The following UNC13C variants were observed in gnomAD, a reference collection of about 807,000 sequenced individuals.
UNC13C encodes protein unc-13 homolog C.
Under a neutral mutation model 245.4 loss-of-function variants are expected in UNC13C, and 174 were observed. The observed-to-expected ratio is 0.71, with a 90% confidence interval of 0.63 to 0.80. The LOEUF (loss-of-function observed/expected upper bound fraction) is 0.80, where lower values mean the gene tolerates loss of function less well. Ranked by LOEUF, UNC13C falls within the 30% of genes least tolerant of loss-of-function variation. The pLI is 0.00. For missense variants in UNC13C, 2,829 were observed against 2,602.9 expected (o/e 1.09, Z -1.89); for synonymous variants, 992 against 895.1 (o/e 1.11, Z -1.93).
chr15:54,198,744 G>A (rs1263525032), intron 4 of UNC13C, among the ~76,000 whole-genome samples: 1 of 152,008 alleles, frequency 6.6e-6, no homozygotes, highest in East Asian at 1.9e-4. Flanking sequence ...CTCTGACATA[G>A]TCCACCCAAA....
At chr15:54,385,221 C>T (rs2039811578) in intron 17 of UNC13C, among the ~76,000 whole-genome samples, 1 of 152,086 alleles carries the variant, frequency 6.6e-6, no homozygotes. Context: ...GTGAACGATG[C>T]CCACTTTCAC....
chr15:53,900,357 A>T, the UNC13C span, among the ~76,000 whole-genome samples: 1 of 152,218 alleles, frequency 6.6e-6, no homozygotes, highest in African/African-American at 2.4e-5. Context: ...ACACAGAGGA[A>T]TATTCTGTAC....
chr15:54,056,705 A>G (rs1897543966), intron 2 of UNC13C, among the ~76,000 whole-genome samples: 2 of 152,196 alleles, frequency 1.3e-5, no homozygotes. Context: ...AAGGGCAGCC[A>G]GAGAGAAAGG....
At chr15:54,617,623 C>T (rs910912220) in intron 30 of UNC13C, among the ~76,000 whole-genome samples, 6 of 152,010 alleles carry the variant, frequency 3.9e-5, no homozygotes, top group African/African-American at 1.2e-4. Context: ...GTTATCACTG[C>T]CATGAATTCT....
At chr15:54,033,335 G>C (rs558829658) in intron 2 of UNC13C, among the ~76,000 whole-genome samples, 1 of 152,270 alleles carries the variant, frequency 6.6e-6, no homozygotes, top group Non-Finnish European at 1.5e-5. Context: ...GAAGAGGTTA[G>C]AGAAACACTG....
At chr15:54,482,066 G>A (rs759786736) in intron 19 of UNC13C, among the ~76,000 whole-genome samples, 26 of 152,094 alleles carry the variant, frequency 1.7e-4, no homozygotes, top group Non-Finnish European at 3.1e-4. Flanking sequence ...ACTTTGTCTC[G>A]CTTTTTTCTC....
chr15:54,169,026 C>A (rs6493665), intron 4 of UNC13C, among the ~76,000 whole-genome samples: 2 of 151,912 alleles, frequency 1.3e-5, no homozygotes, highest in African/African-American at 2.4e-5. Flanking sequence ...TGTAATAGAT[C>A]CCTGCTGATA....
chr15:53,947,653 C>T, the UNC13C span: 2 of 152,184 alleles, frequency 1.3e-5, no homozygotes, highest in Admixed American at 6.5e-5. Flanking sequence ...AAAGGGTCAT[C>T]TGTGTCCGTT....
chr15:54,226,891 G>T (rs2035400321), intron 4 of UNC13C, among the ~76,000 whole-genome samples: 1 of 152,222 alleles, frequency 6.6e-6, no homozygotes, highest in East Asian at 1.9e-4. Context: ...TCAGACCCCT[G>T]GCTCAGGGAG....
chr15:54,478,200 T>C (rs1226938622), intron 19 of UNC13C, among the ~76,000 whole-genome samples: 3 of 146,146 alleles, frequency 2.1e-5, no homozygotes, highest in Non-Finnish European at 4.5e-5. Flanking sequence ...TCTTCTCTCT[T>C]TTTTTCTTTA....
Position 54,235,064 on chromosome 15 carries a change from C to A in UNC13C, c.3106C>A (p.Pro1036Thr). The A allele has an allele frequency of 6.2e-7, 1 of 1,613,830 alleles. No individual in the cohort carries two copies. Among genetic ancestry groups the A allele is most frequent in the South Asian group, 1.1e-5 (1 of 91,078 alleles). ...TGGACTTTATGGTATTGACAGCATG[C>A]CGGATCTTCGCAGAAAAAAAACTTT... Reference protein sequence around the residue: ...GGGLYGIDSMPDLRRKKTLPI... With the variant: ...GGGLYGIDSMTDLRRKKTLPI... Residue 1036 changes from proline to threonine, a missense_variant, in exon 5 of 33, where the codon CCG becomes ACG. By Grantham distance (38) the Pro-to-Thr change is conservative. Transcript: ENST00000260323.
intron 19 of UNC13C, among the ~76,000 whole-genome samples, chr15:54,450,056 TGG>T (rs1891082253): frequency 6.6e-6 from 1 of 152,216 alleles, no homozygotes; most frequent in Non-Finnish European, 1.5e-5. Flanking sequence ...CCTGTTTGCC[TGG>T]GTATCAGCAG....
intron 10 of UNC13C, among the ~76,000 whole-genome samples, chr15:54,276,716 A>G (rs1447131058): frequency 6.6e-6 from 1 of 152,076 alleles, no homozygotes; most frequent in Admixed American, 6.5e-5. Flanking sequence ...CATTACTCAA[A>G]ATTAAAAGAA....
the UNC13C span, among the ~76,000 whole-genome samples, chr15:53,898,470 C>T: frequency 6.6e-6 from 1 of 151,762 alleles, no homozygotes; most frequent in Non-Finnish European, 1.5e-5. Flanking sequence ...CTCCTAATAG[C>T]TATATTCTTC....
At chr15:54,383,910 T>C (rs536665409) in intron 17 of UNC13C, among the ~76,000 whole-genome samples, 2 of 152,158 alleles carry the variant, frequency 1.3e-5, no homozygotes, top group South Asian at 4.1e-4. Flanking sequence ...CAGTCTCATT[T>C]TCAATAGCTG....
chr15:53,885,100 G>A, the UNC13C span, among the ~76,000 whole-genome samples: 2 of 152,218 alleles, frequency 1.3e-5, no homozygotes, highest in East Asian at 3.8e-4. Flanking sequence ...TAGAAAGTCA[G>A]GGGATTTCAG....
intron 18 of UNC13C, among the ~76,000 whole-genome samples, chr15:54,408,140 C>T (rs1306544887): frequency 5.3e-5 from 7 of 132,176 alleles, no homozygotes; most frequent in South Asian, 2.3e-4. Context: ...GGCGGAGTTG[C>T]AGTAAGCCGA....
chr15:54,190,285 A>T (rs1301769009), intron 4 of UNC13C, among the ~76,000 whole-genome samples: 2 of 152,182 alleles, frequency 1.3e-5, no homozygotes, highest in Non-Finnish European at 2.9e-5. Context: ...TTTGCTTAAA[A>T]AAGTTTAACA....
At chr15:54,379,058 A>T (rs1265789024) in intron 17 of UNC13C, among the ~76,000 whole-genome samples, 1 of 152,058 alleles carries the variant, frequency 6.6e-6, no homozygotes, top group Non-Finnish European at 1.5e-5. Context: ...TTTGTTTCTA[A>T]CCAAATTAAT....
Sources: allele counts gnomAD v4.1 joint callset (sites outside exome capture counted in the v4.1 genomes callset), GRCh38; gene constraint gnomAD v4.1.1; transcripts MANE v1.5; gene names NCBI Gene and HGNC (gene_info 2026-07-23, HGNC 2026-07-21).